GALNS: variants seen among roughly 807,000 people sequenced by gnomAD.
The protein encoded by GALNS is N-acetylgalactosamine-6-sulfatase.
Under a neutral mutation model 65.9 loss-of-function variants are expected in GALNS, and 65 were observed. That is an observed-to-expected ratio of 0.99 (90% CI 0.81 to 1.21). The LOEUF is 1.21. GALNS is among the 50% of genes most tolerant of loss of function. The pLI, the probability that GALNS is intolerant of heterozygous loss-of-function variation, is 0.00. For missense variants in GALNS, 776 were observed against 700.7 expected, an observed-to-expected ratio of 1.11 and a Z score of -1.21; for synonymous variants, 346 against 288.9, an observed-to-expected ratio of 1.20 and a Z score of -2.00.
intron 13 of GALNS, 162 bp from the exon 14 acceptor site, chr16:88,814,687 G>T (rs569195673): frequency 1.6e-6 from 1 of 644,470 alleles, no homozygotes; most frequent in Admixed American, 6.3e-5. Flanking sequence ...TCTGCCTTCC[G>T]GGTTCAAGAG....
rs142819176 is a variant in GALNS at position 88,837,696 on chromosome 16, G to A, written c.492C>T (p.Asn164=). Reference sequence around the variant, plus strand: ...TGTTGTCATAAGGTCCAAAGTGGCAGTTGGGGGATCCAAACCACTCATCAA... The same window carrying A: ...TGTTGTCATAAGGTCCAAAGTGGCAATTGGGGGATCCAAACCACTCATCAA... The part of the protein sequence containing the change: ...HGFDEWFGSP[N]CHFGPYDNKA... The change falls in exon 5 of 14, where the codon AAC becomes AAT. Residue 164 remains asparagine (N), a synonymous_variant. Transcript: ENST00000268695. 6.2e-7 allele frequency: 1 copy of A among 1,614,000 alleles called. No homozygotes were observed. Among genetic ancestry groups the A allele is most frequent in the East Asian group, 2.2e-5 (1 of 44,900 alleles).
At chr16:88,816,264 C>T in intron 13 of GALNS, 5 of 985,442 alleles carry the variant, frequency 5.1e-6, no homozygotes, top group East Asian at 1.1e-4. Flanking sequence ...GTGTGGCCTG[C>T]GCCCGTGGAG....
At chr16:88,816,732 G>A in intron 13 of GALNS, 1 of 985,434 alleles carries the variant, frequency 1.0e-6, no homozygotes, top group Non-Finnish European at 1.2e-6. Flanking sequence ...CCTTCCCACG[G>A]CACGGCGGGC....
At chr16:88,827,064 C>T (rs1567522142) in intron 9 of GALNS, 2 of 600,536 alleles carry the variant, frequency 3.3e-6, no homozygotes. Context: ...GCCCTCACTC[C>T]CTGGCACCCT....
At chr16:88,838,536 C>T (rs1912381409) in intron 4 of GALNS, 1 of 152,642 alleles carries the variant, frequency 6.6e-6, no homozygotes, top group Non-Finnish European at 1.5e-5. Flanking sequence ...CTGACAATCC[C>T]CCGCAGACCT....
At chr16:88,815,639 C>T (rs1909544436) in intron 13 of GALNS, 5 of 985,378 alleles carry the variant, frequency 5.1e-6, no homozygotes, top group Admixed American at 6.1e-5. Context: ...TGTGCCACGT[C>T]AGACGCCGCA....
chr16:88,835,605 G>C lies in GALNS; in HGVS notation c.758+120C>G. 4 of 1,478,992 alleles carry C rather than the reference G, an allele frequency of 2.7e-6. No homozygotes were observed. The East Asian group carries it at 9.1e-5, about 34-fold the overall frequency. The allele number at this position is 1,478,992 out of a possible 1,614,324, so 91.6% of individuals were successfully genotyped here. ...GGCCAGTGGACGGCTTCAAAGGGGTGGGGTTGCTCTGGCCTTTCCATAATT... is the reference window on the plus strand; with the variant it reads ...GGCCAGTGGACGGCTTCAAAGGGGTCGGGTTGCTCTGGCCTTTCCATAATT... On this transcript the variant is annotated intron_variant, in intron 7 of 13. Transcript: ENST00000268695.
At chr16:88,830,818 G>A (rs773076243) in intron 9 of GALNS, among the ~76,000 whole-genome samples, 4 of 152,178 alleles carry the variant, frequency 2.6e-5, no homozygotes, top group African/African-American at 7.2e-5. Context: ...CAACGGTCTC[G>A]TGTCGGGCTG....
At chr16:88,824,945 C>G in intron 10 of GALNS, 76 bp from the exon 11 acceptor site, 1 of 1,188,034 alleles carries the variant, frequency 8.4e-7, no homozygotes, top group Non-Finnish European at 1.2e-6. Context: ...TGGGCTGCGT[C>G]TGTCATCAGT....
chr16:88,817,448 T>C, intron 13 of GALNS: 1 of 985,342 alleles, frequency 1.0e-6, no homozygotes, highest in Non-Finnish European at 1.2e-6. Flanking sequence ...GATGCGAAGG[T>C]CTCTGGGGCT....
At chr16:88,827,711 G>C (rs1911078054) in intron 9 of GALNS, among the ~76,000 whole-genome samples, 1 of 152,190 alleles carries the variant, frequency 6.6e-6, no homozygotes, top group African/African-American at 2.4e-5. Context: ...CTCCCAAAGT[G>C]CTGGGATTAC....
chr16:88,851,580 G>C (rs1382041548), intron 1 of GALNS, among the ~76,000 whole-genome samples: 1 of 152,222 alleles, frequency 6.6e-6, no homozygotes, highest in African/African-American at 2.4e-5. Context: ...GAAGTGCGAG[G>C]GGTTGGGGGA....
chr16:88,829,585 G>A (rs981128764), intron 9 of GALNS, among the ~76,000 whole-genome samples: 2 of 152,246 alleles, frequency 1.3e-5, no homozygotes, highest in Non-Finnish European at 2.9e-5. Context: ...GGCGCCCTTG[G>A]CAGTTGCCGC....
chr16:88,820,265 A>G (rs1910069597), intron 12 of GALNS, among the ~76,000 whole-genome samples: 1 of 152,010 alleles, frequency 6.6e-6, no homozygotes, highest in Non-Finnish European at 1.5e-5. Context: ...AGTAGCTGGG[A>G]TTACAGGCAC....
chr16:88,846,655 G>C (rs1258515566), intron 1 of GALNS, among the ~76,000 whole-genome samples: 1 of 151,658 alleles, frequency 6.6e-6, no homozygotes, highest in Non-Finnish European at 1.5e-5. Flanking sequence ...GATTACTCCT[G>C]CCTCAGCCTC....
At chr16:88,855,665 T>C (rs879573877) in intron 1 of GALNS, 42 of 599,904 alleles carry the variant, frequency 7.0e-5, no homozygotes, top group Non-Finnish European at 1.1e-4. Context: ...TTAATAAAAT[T>C]GTTAAGTGAG....
chr16:88,842,522 C>T (rs531777027), intron 2 of GALNS, 184 bp downstream of exon 2: 10 of 714,654 alleles, frequency 1.4e-5, no homozygotes, highest in South Asian at 9.4e-5. Flanking sequence ...GGTGCCGCAC[C>T]CCACATGGCA....
chr16:88,846,533 T>G (rs1044033732), intron 1 of GALNS, among the ~76,000 whole-genome samples: 1 of 142,438 alleles, frequency 7.0e-6, no homozygotes, highest in Admixed American at 7.1e-5. Context: ...TTTTTTTTTT[T>G]GAGACGAAGT....
chr16:88,842,036 CAA>C, intron 2 of GALNS, 65 bp from the exon 3 acceptor site: 1 of 1,410,642 alleles, frequency 7.1e-7, no homozygotes, highest in South Asian at 1.2e-5. Context: ...CGGGCGTCAA[CAA>C]GAGCCCCAAC....
Sources: allele counts gnomAD v4.1 joint callset (sites outside exome capture counted in the v4.1 genomes callset), GRCh38; gene constraint gnomAD v4.1.1; transcripts MANE v1.5; gene names NCBI Gene and HGNC (gene_info 2026-07-23, HGNC 2026-07-21).